The following PRRC2C variants were observed in gnomAD, a reference collection of about 807,000 sequenced individuals.
PRRC2C encodes the protein protein PRRC2C.
A neutral mutation model predicts 317.2 loss-of-function variants in PRRC2C; 72 were observed. The ratio of observed to expected loss-of-function variants is 0.23; its 90% CI spans 0.19 to 0.28. PRRC2C has a LOEUF of 0.28. Among genes scored for constraint, PRRC2C ranks in the 10% least tolerant of loss-of-function variants. The pLI, the probability that PRRC2C is intolerant of heterozygous loss-of-function variation, is 1.00. For synonymous variants in PRRC2C, 1,296 were observed against 1,205.9 expected (o/e 1.07, Z -1.55); for missense variants, 3,074 against 3,459.7 (o/e 0.89, Z 2.80).
chr1:171,591,745 A>T lies in PRRC2C; in HGVS notation c.8595A>T (p.Lys2865Asn). 2 of 1,613,830 alleles carry T rather than the reference A, an allele frequency of 1.2e-6. No individual in the cohort carries two copies. Among genetic ancestry groups the T allele is most frequent in the Non-Finnish European group, 1.7e-6 (2 of 1,179,866 alleles). ...ACCCTCCTGGGGTCTGTCAGGAAAA[A>T]GTAGAAGAAAAGCCACCCCCTGCAC... ...LTDPPGVCQE[K>N]VEEKPPPAPS... Residue 2865 changes from lysine to asparagine, a missense_variant, in exon 35 of 35, where the codon AAA becomes AAT. This residue lies in a region of PRRC2C where 78 missense variants were observed against 97.7 expected (regional missense o/e 0.80). Transcript: ENST00000647382.
At chr1:171,518,494 ATTTTTTTTTTTT>A (rs149358002) in intron 6 of PRRC2C, among the ~76,000 whole-genome samples, 1 of 72,580 alleles carries the variant, frequency 1.4e-5, no homozygotes, top group Non-Finnish European at 2.8e-5. Context: ...TTTTTTTTCA[ATTTTTTTTTTTT>A]TTTTTTTTGG....
intron 11 of PRRC2C, among the ~76,000 whole-genome samples, chr1:171,530,235 T>C (rs925993320): frequency 6.7e-6 from 1 of 148,320 alleles, no homozygotes; most frequent in African/African-American, 2.5e-5. Flanking sequence ...GAAGGACTTG[T>C]AGCTGGGCTT....
At chr1:171,588,916 G>T (rs1165627145) in intron 33 of PRRC2C, among the ~76,000 whole-genome samples, 2 of 152,046 alleles carry the variant, frequency 1.3e-5, no homozygotes, top group African/African-American at 4.8e-5. Context: ...AAAAAATGTT[G>T]GCTTCTCTTC....
At chr1:171,559,302 C>CTTAAGTCAGAG (rs2102656217) in intron 19 of PRRC2C, among the ~76,000 whole-genome samples, 1 of 152,242 alleles carries the variant, frequency 6.6e-6, no homozygotes, top group South Asian at 2.1e-4. Context: ...AGAGAGAAGT[C>CTTAAGTCAGAG]AATGCCTGAC....
intron 13 of PRRC2C, 96 bp downstream of exon 13, chr1:171,535,693 C>A: frequency 7.5e-7 from 1 of 1,339,292 alleles, no homozygotes; most frequent in African/African-American, 1.5e-5. Flanking sequence ...ATACGTAAAG[C>A]ACACAAAGTT....
At chr1:171,522,524 C>T (rs1215823884) in intron 7 of PRRC2C, 2 of 206,392 alleles carry the variant, frequency 9.7e-6, no homozygotes, top group Non-Finnish European at 1.9e-5. Flanking sequence ...AATCCCAGCA[C>T]TTTGGAAGGC....
Position 171,535,481 on chromosome 1 carries a change from A to T in PRRC2C, c.1927A>T (p.Thr643Ser), listed in dbSNP as rs373193280. The change falls in exon 13 of 35, where the codon ACA (threonine) becomes TCA (serine). Residue 643 changes from threonine (T) to serine (S), a missense_variant. Coordinates refer to ENST00000647382, the MANE Select transcript of PRRC2C (RefSeq NM_001387844.1). ...CAGCAATCGCAGTGAAAAGGAAGCCACACCAGTGGTGCATGAAACAGAACC... is the reference window on the plus strand; with the variant it reads ...CAGCAATCGCAGTGAAAAGGAAGCCTCACCAGTGGTGCATGAAACAGAACC... ...QDSNRSEKEA[T>S]PVVHETEPES... 1 of 1,613,854 alleles carries T rather than the reference A, an allele frequency of 6.2e-7. No individual in the cohort carries two copies. The highest frequency in any genetic ancestry group is 1.3e-5 in the African/African-American group (1 of 74,938).
At chr1:171,502,068 A>G (rs1275372183) in intron 1 of PRRC2C, among the ~76,000 whole-genome samples, 2 of 152,198 alleles carry the variant, frequency 1.3e-5, no homozygotes, top group African/African-American at 2.4e-5. Flanking sequence ...GACTCCAGGT[A>G]TACACCACCA....
intron 1 of PRRC2C, chr1:171,511,006 T>C (rs1485284175): frequency 6.6e-6 from 1 of 152,206 alleles, no homozygotes; most frequent in Non-Finnish European, 1.5e-5. Flanking sequence ...TTGACAAATA[T>C]AAAACTAACG....
chr1:171,487,866 G>T (rs1174016530), intron 1 of PRRC2C, among the ~76,000 whole-genome samples: 1 of 152,000 alleles, frequency 6.6e-6, no homozygotes, highest in East Asian at 1.9e-4. Flanking sequence ...TATTTCTTTA[G>T]GTACATAAGA....
In PRRC2C at chr1:171,579,411, G is replaced by A. The variant is rs775662164; in HGVS notation, c.7217G>A (p.Arg2406Gln). The part of the protein sequence containing the change: ...TSHLFNTQHA[R>Q]LAPPSLAQQQ... ...CATTTATTCAATACCCAACATGCAC[G>A]ATTGGCTCCGCCATCCTTGGCTCAA... The change falls in exon 27 of 35, where the codon CGA (arginine) becomes CAA (glutamine). Residue 2406 changes from arginine to glutamine, a missense_variant. Around this residue, in one of 11 missense-constraint regions of PRRC2C, gnomAD observed 490 missense variants for 663.1 expected, o/e 0.74. Coordinates refer to ENST00000647382, the MANE Select transcript of PRRC2C (RefSeq NM_001387844.1). 1.5e-5 allele frequency: 24 copies of A among 1,613,712 alleles called. No homozygotes were observed. Among genetic ancestry groups the A allele is most frequent in the South Asian group, 4.4e-5 (4 of 91,088 alleles).
At position 171,591,830 on chromosome 1, in the gene PRRC2C, G is replaced by A. The variant is rs762870851; in HGVS notation, c.8680G>A (p.Glu2894Lys). The A allele has an allele frequency of 1.1e-5, 16 of 1,403,410 alleles. No homozygotes were observed. The highest frequency in any genetic ancestry group is 1.2e-5 in the Non-Finnish European group (13 of 1,047,756). The allele number at this position is 1,403,410 out of a possible 1,614,324, so 86.9% of individuals were successfully genotyped here. A position where few individuals can be genotyped will look rare whatever the true frequency, so the allele number is the denominator to read the frequency against. The change falls in exon 35 of 35, where the codon GAA (glutamate) becomes AAA (lysine). Residue 2894 changes from glutamate to lysine, a missense_variant. Around this residue, in one of 11 missense-constraint regions of PRRC2C, gnomAD observed 78 missense variants for 97.7 expected, o/e 0.80. Transcript: ENST00000647382. ...GPIKPQAIKT[E>K]ETKS ...AATCAAACCTCAGGCGATCAAAACC[G>A]AAGAAACAAAATCTTAAAGGCTATG... is the stretch of plus-strand genomic sequence containing the variant.
rs1289950932 is a variant in PRRC2C, at chr1:171,540,039, C to T, written c.2573C>T (p.Ala858Val). 7 of 1,613,768 alleles carry T rather than the reference C, an allele frequency of 4.3e-6. No individual in the cohort carries two copies. Among genetic ancestry groups the T allele is most frequent in the Non-Finnish European group, 5.9e-6 (7 of 1,179,850 alleles). The part of the protein sequence containing the change: ...AYSVEHNQLE[A>V]HPKADFIRES... ...TCTGTAGAACATAATCAATTAGAGG[C>T]TCACCCAAAGGCAGACTTTATCAGA... The change falls in exon 16 of 35, where the codon GCT becomes GTT. Residue 858 changes from alanine to valine, a missense_variant. Physicochemically the swap from Ala to Val is moderately conservative, Grantham distance 64. Coordinates refer to ENST00000647382, the MANE Select transcript of PRRC2C (RefSeq NM_001387844.1).
At chr1:171,517,347 G>A (rs575969242) in intron 5 of PRRC2C, among the ~76,000 whole-genome samples, 2 of 152,016 alleles carry the variant, frequency 1.3e-5, no homozygotes, top group Non-Finnish European at 2.9e-5. Context: ...TCATAGAGAA[G>A]TTCTAATATT....
intron 18 of PRRC2C, among the ~76,000 whole-genome samples, chr1:171,555,846 C>T (rs975833145): frequency 6.6e-6 from 1 of 151,814 alleles, no homozygotes; most frequent in South Asian, 2.1e-4. Flanking sequence ...CTCTGGAAGC[C>T]TCGGTCTCCC....
intron 7 of PRRC2C, among the ~76,000 whole-genome samples, chr1:171,522,867 C>CT (rs74861803): frequency 0.14 from 19,766 of 141,146 alleles, 1,520 homozygotes; most frequent in South Asian, 0.36. Context: ...CATTTTCTTT[C>CT]TTTTTTTTTT....
chr1:171,491,827 C>T (rs1252011375), intron 1 of PRRC2C, among the ~76,000 whole-genome samples: 1 of 152,034 alleles, frequency 6.6e-6, no homozygotes, highest in Non-Finnish European at 1.5e-5. Context: ...TTTAATCTTA[C>T]CCAAAAACTT....
At chr1:171,549,619 T>C (rs1187081606) in intron 17 of PRRC2C, among the ~76,000 whole-genome samples, 1 of 152,220 alleles carries the variant, frequency 6.6e-6, no homozygotes, top group Non-Finnish European at 1.5e-5. Flanking sequence ...TGGAATGCAG[T>C]GGCACGGTCT....
At chr1:171,551,416 G>C (rs565946087) in intron 18 of PRRC2C, among the ~76,000 whole-genome samples, 109 of 152,276 alleles carry the variant, frequency 7.2e-4, no homozygotes, top group African/African-American at 2.6e-3. Context: ...TAGGTTGCCT[G>C]TTCACTCTGA....
Sources: allele counts gnomAD v4.1 joint callset (sites outside exome capture counted in the v4.1 genomes callset), GRCh38; gene constraint gnomAD v4.1.1; regional missense constraint gnomAD v4.1.1; transcripts MANE v1.5; gene names NCBI Gene and HGNC (gene_info 2026-07-23, HGNC 2026-07-21).